Variants in CACNA1C observed in about 807,000 individuals in gnomAD.
The protein encoded by CACNA1C is voltage-dependent L-type calcium channel subunit alpha-1C.
In CACNA1C, 30 loss-of-function variants were observed where a neutral mutation model predicts 229.0. The ratio of observed to expected loss-of-function variants is 0.13; its 90% CI spans 0.10 to 0.18. The LOEUF (loss-of-function observed/expected upper bound fraction) is 0.18. Among genes scored for constraint, CACNA1C ranks in the 10% least tolerant of loss-of-function variants. The probability of loss-of-function intolerance (pLI) is 1.00; values close to 1 mark genes in which losing one functional copy is unlikely to be tolerated. For missense variants in CACNA1C, 1,658 were observed against 2,845.0 expected, an observed-to-expected ratio of 0.58 and a Z score of 9.49; for synonymous variants, 1,114 against 1,132.5, an observed-to-expected ratio of 0.98 and a Z score of 0.33.
intron 3 of CACNA1C, among the ~76,000 whole-genome samples, chr12:2,166,462 C>T (rs1254036090): frequency 6.6e-6 from 1 of 152,200 alleles, no homozygotes; most frequent in Non-Finnish European, 1.5e-5. Context: ...TTCAAAGTGC[C>T]TCTAAATTAG....
At chr12:2,533,160 G>A (rs533123155) in intron 9 of CACNA1C, among the ~76,000 whole-genome samples, 1 of 152,302 alleles carries the variant, frequency 6.6e-6, no homozygotes, top group Admixed American at 6.5e-5. Flanking sequence ...AGTGACAGAG[G>A]CAGGCGTTCA....
At chr12:2,450,385 T>C (rs1403692566) in intron 4 of CACNA1C, among the ~76,000 whole-genome samples, 2 of 151,494 alleles carry the variant, frequency 1.3e-5, no homozygotes, top group African/African-American at 2.4e-5. Flanking sequence ...AAACCCCGTC[T>C]CTACTAAAAA....
intron 1 of CACNA1C, among the ~76,000 whole-genome samples, chr12:1,981,178 T>C (rs1007726903): frequency 6.6e-6 from 1 of 152,132 alleles, no homozygotes; most frequent in African/African-American, 2.4e-5. Flanking sequence ...TAAAGTAACC[T>C]TGAGAAGCTG....
At position 2,457,669 on chromosome 12, in the gene CACNA1C, C is replaced by T. The variant is rs527755968; in HGVS notation, c.720C>T (p.Arg240=). 6.2e-6 allele frequency: 10 copies of T among 1,607,308 alleles called. No individual in the cohort carries two copies. The highest frequency in any genetic ancestry group is 2.2e-5 in the South Asian group (2 of 90,314). The part of the protein sequence containing the change: ...GFDVKALRAF[R]VLRPLRLVSG... ...ATGTGAAGGCGCTGAGGGCCTTCCG[C>T]GTGCTGCGCCCCCTGCGGCTGGTGT... Residue 240 remains arginine, a synonymous_variant, in exon 5 of 47, where the codon CGC becomes CGT. Coordinates refer to ENST00000399655, the MANE Select transcript of CACNA1C (RefSeq NM_000719.7).
chr12:2,050,468 G>A (rs1342085555), upstream of CACNA1C, among the ~76,000 whole-genome samples: 2 of 152,192 alleles, frequency 1.3e-5, no homozygotes, highest in East Asian at 1.9e-4. Context: ...AGTAGTGTTA[G>A]CTATTATTAT....
At chr12:2,378,355 T>C (rs2098133088) in intron 3 of CACNA1C, among the ~76,000 whole-genome samples, 1 of 152,146 alleles carries the variant, frequency 6.6e-6, no homozygotes, top group South Asian at 2.1e-4. Context: ...CCAGCACCCC[T>C]CTATGGCCTC....
intron 3 of CACNA1C, among the ~76,000 whole-genome samples, chr12:2,329,979 G>A (rs59218046): frequency 0.12 from 18,055 of 152,194 alleles, 2,864 homozygotes; most frequent in African/African-American, 0.36. Context: ...TTTAGGGGCC[G>A]TGTTGTTTGA....
chr12:2,668,851 C>A, intron 37 of CACNA1C, 82 bp from the exon 38 acceptor site: 2 of 902,486 alleles, frequency 2.2e-6, no homozygotes, highest in Non-Finnish European at 3.7e-6. Context: ...CAGAGCCAAA[C>A]CATATCACTC....
At chr12:2,612,775 G>A (rs2078457174) in intron 29 of CACNA1C, 1 of 152,180 alleles carries the variant, frequency 6.6e-6, no homozygotes, top group South Asian at 2.1e-4. Context: ...TTCCACCCTG[G>A]GCCTCTGTAG....
intron 3 of CACNA1C, among the ~76,000 whole-genome samples, chr12:2,249,727 C>T (rs2074829108): frequency 6.6e-6 from 1 of 151,798 alleles, no homozygotes; most frequent in Non-Finnish European, 1.5e-5. Context: ...CTAGGGCTCA[C>T]TCGGCCGGTG....
rs145691335 is a variant in CACNA1C, at chr12:2,443,833, A to C, written c.478-5143A>C. On this transcript the variant is annotated intron_variant, in intron 3 of 46. Transcript: ENST00000399655. ...CTATGACAGCACAACGTATGTTTTG[A>C]AGGAATTAACCAAGCTGTCTTGCTT... 2.5e-4 allele frequency among the ~76,000 whole-genome samples: 38 copies of C among 152,298 alleles called. No individual in the cohort carries two copies. In the East Asian group the frequency reaches 7.1e-3, roughly 29 times the overall value.
Position 2,386,205 on chromosome 12 carries a change from A to G in CACNA1C, c.478-62771A>G, listed in dbSNP as rs576833988. Among the ~76,000 whole-genome samples, 197 of 152,300 alleles carry G rather than the reference A, an allele frequency of 1.3e-3. 1 individual carries two copies. Among genetic ancestry groups the G allele is most frequent in the African/African-American group, 4.6e-3 (190 of 41,568 alleles). On this transcript the variant is annotated intron_variant, in intron 3 of 46. Coordinates refer to ENST00000399655, the MANE Select transcript of CACNA1C (RefSeq NM_000719.7). ...TGGCATGAGTATTTACATCATAGAA[A>G]TTGGCAAATGCTACAAATCAGCCCC...
In CACNA1C at chr12:1,971,262, T is replaced by C. The variant is rs1051550815; in HGVS notation, c.139+61T>C. 6 of 882,632 alleles carry C rather than the reference T, an allele frequency of 6.8e-6. No individual in the cohort carries two copies. The African/African-American group carries it at 8.7e-5, about 13-fold the overall frequency. The allele number at this position is 882,632 out of a possible 1,614,324, so 54.7% of individuals were successfully genotyped here. Reference sequence around the variant, plus strand: ...AACATGTTGAAATTTACTCTAAATATCCTAATGATACCTAGAATGTGACTT... The same window carrying C: ...AACATGTTGAAATTTACTCTAAATACCCTAATGATACCTAGAATGTGACTT... On this transcript the variant is annotated intron_variant, in intron 1 of 46. Coordinates refer to the CACNA1C transcript ENST00000682462. This position sits in a 1 kb window ranked among gnomAD's most constrained non-coding sequence, Gnocchi z 4.2.
At chr12:2,454,916 C>A (rs1178060385) in intron 4 of CACNA1C, among the ~76,000 whole-genome samples, 5 of 152,232 alleles carry the variant, frequency 3.3e-5, no homozygotes, top group African/African-American at 7.2e-5. Flanking sequence ...GCTGACAATG[C>A]GCCTTCTCAC....
intron 3 of CACNA1C, among the ~76,000 whole-genome samples, chr12:2,356,379 G>A (rs2097363533): frequency 6.6e-6 from 1 of 152,256 alleles, no homozygotes; most frequent in South Asian, 2.1e-4. Flanking sequence ...TTGGAAAAGT[G>A]CAGGACTGTC....
At chr12:2,317,247 G>T (rs113153040) in intron 3 of CACNA1C, among the ~76,000 whole-genome samples, 2 of 152,304 alleles carry the variant, frequency 1.3e-5, no homozygotes, top group African/African-American at 2.4e-5. Context: ...AAGCCAAAAC[G>T]TGAGAGAAAC....
chr12:2,244,735 C>T (rs913109224), intron 3 of CACNA1C, among the ~76,000 whole-genome samples: 1 of 152,166 alleles, frequency 6.6e-6, no homozygotes, highest in Non-Finnish European at 1.5e-5. Flanking sequence ...GTGGACTCCC[C>T]CTGCAAGAAT....
chr12:2,520,887 T>C (rs1359825303), intron 9 of CACNA1C, among the ~76,000 whole-genome samples: 1 of 150,852 alleles, frequency 6.6e-6, no homozygotes, highest in African/African-American at 2.4e-5. Flanking sequence ...TTCAGAGGAG[T>C]GGGAAGGTGA....
chr12:2,290,669 A>G (rs1425139012), intron 3 of CACNA1C, among the ~76,000 whole-genome samples: 2 of 152,070 alleles, frequency 1.3e-5, no homozygotes, highest in East Asian at 1.9e-4. Context: ...TATTAGAGAC[A>G]TACACTCGGG....
Sources: allele counts gnomAD v4.1 joint callset (sites outside exome capture counted in the v4.1 genomes callset), GRCh38; gene constraint gnomAD v4.1.1; non-coding constraint Gnocchi (gnomAD v3.1); transcripts MANE v1.5; gene names NCBI Gene and HGNC (gene_info 2026-07-23, HGNC 2026-07-21).